The following CDH13 variants were observed in gnomAD, a reference collection of about 807,000 sequenced individuals.
CDH13 encodes the protein cadherin-13.
Under a neutral mutation model 63.8 loss-of-function variants are expected in CDH13, and 24 were observed. That is an observed-to-expected ratio of 0.38 (90% CI 0.27 to 0.53). The LOEUF (loss-of-function observed/expected upper bound fraction) is 0.53. Ranked by LOEUF, CDH13 falls within the 20% of genes least tolerant of loss-of-function variation. CDH13 has a pLI of 0.85. For synonymous variants in CDH13, 503 were observed against 355.3 expected (o/e 1.42, Z -4.67); for missense variants, 1,049 against 903.1 (o/e 1.16, Z -2.07).
chr16:82,889,369 C>G (rs560178178), intron 2 of CDH13, among the ~76,000 whole-genome samples: 2 of 152,016 alleles, frequency 1.3e-5, no homozygotes, highest in Admixed American at 6.6e-5. Flanking sequence ...TAAAATCTAT[C>G]TATAATCTAT....
chr16:83,182,402 G>A lies in CDH13; in HGVS notation c.484-34943G>A, dbSNP rs75209269. On this transcript the variant is annotated intron_variant, in intron 4 of 13. Transcript: ENST00000567109. ...TTGGTCTTCTGTCTGCCATGGGTTT[G>A]CTGTGCTCTGCTAGGGAAAATAATT... Among the ~76,000 whole-genome samples the A allele has an allele frequency of 3.5e-4, 54 of 152,286 alleles. No homozygotes were observed. In the East Asian group the frequency reaches 9.9e-3, roughly 28 times the overall value.
chr16:83,508,110 A>AGGAAGG (rs1476708476), intron 7 of CDH13, among the ~76,000 whole-genome samples: 12 of 42,506 alleles, frequency 2.8e-4, no homozygotes, highest in African/African-American at 6.6e-4. Context: ...GAAGGAAGGA[A>AGGAAGG]AAGGAAGGAA....
intron 5 of CDH13, among the ~76,000 whole-genome samples, chr16:83,254,285 G>A (rs558310188): frequency 6.6e-6 from 1 of 152,192 alleles, no homozygotes; most frequent in African/African-American, 2.4e-5. Context: ...TCACTGCTTA[G>A]CATCATGATC....
intron 4 of CDH13, among the ~76,000 whole-genome samples, chr16:83,184,997 G>A (rs2038474115): frequency 6.6e-6 from 1 of 151,006 alleles, no homozygotes; most frequent in Non-Finnish European, 1.5e-5. Flanking sequence ...GTGGTGTGTG[G>A]GTATATATAC....
chr16:83,644,579 C>A (rs1353233373), intron 8 of CDH13, among the ~76,000 whole-genome samples: 1 of 152,204 alleles, frequency 6.6e-6, no homozygotes, highest in Non-Finnish European at 1.5e-5. Flanking sequence ...ATTACCTTCA[C>A]TTTTGTCATC....
intron 1 of CDH13, among the ~76,000 whole-genome samples, chr16:82,785,496 G>C (rs1199837425): frequency 6.6e-6 from 1 of 152,204 alleles, no homozygotes; most frequent in Non-Finnish European, 1.5e-5. Flanking sequence ...GTCCGCAGCA[G>C]GCAGTTCTAA....
At chr16:83,338,219 A>C (rs1218888692) in intron 5 of CDH13, among the ~76,000 whole-genome samples, 1 of 151,470 alleles carries the variant, frequency 6.6e-6, no homozygotes, top group Non-Finnish European at 1.5e-5. Flanking sequence ...AATCAGTTTA[A>C]TGTACTCTGA....
At chr16:83,466,374 G>C (rs2073316099) in intron 6 of CDH13, among the ~76,000 whole-genome samples, 1 of 152,156 alleles carries the variant, frequency 6.6e-6, no homozygotes, top group Non-Finnish European at 1.5e-5. Flanking sequence ...CAATAAGCTG[G>C]ACATTAGAAC....
intron 10 of CDH13, among the ~76,000 whole-genome samples, chr16:83,693,289 A>G (rs886566112): frequency 3.3e-5 from 5 of 152,214 alleles, no homozygotes; most frequent in Admixed American, 1.3e-4. Flanking sequence ...TGATGGATAC[A>G]GAATAAAAGA....
chr16:83,768,833 CCGT>C (rs1914574902), intron 11 of CDH13, among the ~76,000 whole-genome samples: 1 of 151,918 alleles, frequency 6.6e-6, no homozygotes, highest in African/African-American at 2.4e-5. Context: ...TGGGTTTTAG[CCGT>C]CTTCTTTATT....
At chr16:83,704,992 T>C (rs774560737) in intron 10 of CDH13, among the ~76,000 whole-genome samples, 4 of 152,208 alleles carry the variant, frequency 2.6e-5, no homozygotes, top group Non-Finnish European at 4.4e-5. Context: ...TCTGGCAACA[T>C]CCAAGAATAA....
At chr16:83,141,591 G>T (rs2036532005) in intron 4 of CDH13, among the ~76,000 whole-genome samples, 1 of 152,112 alleles carries the variant, frequency 6.6e-6, no homozygotes, top group Non-Finnish European at 1.5e-5. Context: ...ATGGTGGCTT[G>T]CTGCACCTAT....
chr16:82,748,154 C>G (rs1204206537), intron 1 of CDH13, among the ~76,000 whole-genome samples: 1 of 152,166 alleles, frequency 6.6e-6, no homozygotes, highest in Non-Finnish European at 1.5e-5. Flanking sequence ...ATTTCAGCAT[C>G]ATAGCTGGGG....
chr16:82,662,591 T>C (rs1430043439), intron 1 of CDH13, among the ~76,000 whole-genome samples: 2 of 152,352 alleles, frequency 1.3e-5, no homozygotes, highest in Non-Finnish European at 2.9e-5. Context: ...TATCAGGTCT[T>C]GCCCAGGCAT....
At chr16:83,310,874 G>C (rs1380286345) in intron 5 of CDH13, among the ~76,000 whole-genome samples, 2 of 152,174 alleles carry the variant, frequency 1.3e-5, no homozygotes, top group Non-Finnish European at 2.9e-5. Flanking sequence ...ACCCAACTGA[G>C]CCAGTTTGGA....
chr16:83,513,079 G>C (rs988575430), intron 7 of CDH13, among the ~76,000 whole-genome samples: 10 of 151,646 alleles, frequency 6.6e-5, no homozygotes, highest in African/African-American at 2.2e-4. Flanking sequence ...TTAAGCCCCA[G>C]AATTAGGCTT....
chr16:83,318,355 A>T (rs1275599648), intron 5 of CDH13, among the ~76,000 whole-genome samples: 1 of 152,094 alleles, frequency 6.6e-6, no homozygotes, highest in Non-Finnish European at 1.5e-5. Context: ...TAGTATTTGG[A>T]GGCTTTCTGG....
chr16:83,138,781 T>C (rs1033073466), intron 4 of CDH13, among the ~76,000 whole-genome samples: 1 of 151,412 alleles, frequency 6.6e-6, no homozygotes, highest in African/African-American at 2.4e-5. Flanking sequence ...GGAGCAGGGG[T>C]GACAAAGAGG....
intron 6 of CDH13, among the ~76,000 whole-genome samples, chr16:83,439,171 C>A (rs905208306): frequency 6.6e-6 from 1 of 152,106 alleles, no homozygotes; most frequent in East Asian, 1.9e-4. Flanking sequence ...ATAGTAATAC[C>A]TATATTCTAA....
Sources: allele counts gnomAD v4.1 joint callset (sites outside exome capture counted in the v4.1 genomes callset), GRCh38; gene constraint gnomAD v4.1.1; transcripts MANE v1.5; gene names NCBI Gene and HGNC (gene_info 2026-07-23, HGNC 2026-07-21).